Variants in CLVS1 observed in about 807,000 individuals in gnomAD.
CLVS1 encodes the protein clavesin-1.
A neutral mutation model predicts 33.1 loss-of-function variants in CLVS1; 10 were observed. The observed-to-expected ratio is 0.30, with a 90% CI of 0.19 to 0.51. The LOEUF (loss-of-function observed/expected upper bound fraction) is 0.51, where lower values mean the gene tolerates loss of function less well. CLVS1 is among the 20% of genes least tolerant of loss of function. The pLI is 0.97. For synonymous variants in CLVS1, 163 were observed against 166.1 expected (o/e 0.98, Z 0.14); for missense variants, 343 against 433.4 (o/e 0.79, Z 1.85).
At chr8:61,473,341 T>TAAAAAAAAAAA (rs58281654) in intron 5 of CLVS1, among the ~76,000 whole-genome samples, 1 of 96,232 alleles carries the variant, frequency 1.0e-5, no homozygotes, top group African/African-American at 3.8e-5. Flanking sequence ...TCACGGAATT[T>TAAAAAAAAAAA]AAAAAAAAAA....
At chr8:61,344,983 T>C (rs906100978) in intron 2 of CLVS1, among the ~76,000 whole-genome samples, 1 of 152,200 alleles carries the variant, frequency 6.6e-6, no homozygotes, top group African/African-American at 2.4e-5. Flanking sequence ...TGACCTACTG[T>C]GTTACCAAAA....
intron 2 of CLVS1, among the ~76,000 whole-genome samples, chr8:61,151,552 A>G (rs1383222486): frequency 6.6e-6 from 1 of 152,060 alleles, no homozygotes; most frequent in Non-Finnish European, 1.5e-5. Context: ...ATAGGGCCCT[A>G]AGGAGAGCTG....
At chr8:61,262,000 G>GTA (rs1182971483) in intron 2 of CLVS1, among the ~76,000 whole-genome samples, 1 of 104,258 alleles carries the variant, frequency 9.6e-6, no homozygotes, top group African/African-American at 2.9e-5. Context: ...GTGTGTGTGT[G>GTA]TGTGTGTGTG....
the CLVS1 span, among the ~76,000 whole-genome samples, chr8:60,986,782 G>A: frequency 6.6e-6 from 1 of 152,182 alleles, no homozygotes; most frequent in Non-Finnish European, 1.5e-5. Flanking sequence ...ATTATATCCT[G>A]CCATAAGCTT....
intron 3 of CLVS1, among the ~76,000 whole-genome samples, chr8:61,385,743 A>G (rs1471112330): frequency 6.6e-6 from 1 of 152,190 alleles, no homozygotes; most frequent in Non-Finnish European, 1.5e-5. Flanking sequence ...GTAACAGTGA[A>G]GACTGAAAGT....
At chr8:61,135,540 A>AAG (rs1429709588) in intron 2 of CLVS1, among the ~76,000 whole-genome samples, 4 of 152,180 alleles carry the variant, frequency 2.6e-5, no homozygotes, top group Admixed American at 2.6e-4. Context: ...TAAGGGAGAG[A>AAG]AGAGAGAGAG....
At chr8:61,060,201 CCTT>C (rs1258227228) in intron 1 of CLVS1, among the ~76,000 whole-genome samples, 3 of 152,176 alleles carry the variant, frequency 2.0e-5, no homozygotes, top group Admixed American at 2.0e-4. Flanking sequence ...CCTTCTTCCT[CCTT>C]CCTTCTTACT....
intron 2 of CLVS1, among the ~76,000 whole-genome samples, chr8:61,324,838 C>T (rs1019188657): frequency 6.6e-6 from 1 of 152,038 alleles, no homozygotes; most frequent in Non-Finnish European, 1.5e-5. Flanking sequence ...ACACTCCTAC[C>T]AACAGTGTAC....
intron 1 of CLVS1, among the ~76,000 whole-genome samples, chr8:61,296,776 G>A (rs924855668): frequency 6.6e-6 from 1 of 152,122 alleles, no homozygotes; most frequent in African/African-American, 2.4e-5. Flanking sequence ...CTTCATCGCA[G>A]GCACTGTATG....
the CLVS1 span, among the ~76,000 whole-genome samples, chr8:61,011,953 C>T: frequency 6.6e-6 from 1 of 152,366 alleles, no homozygotes; most frequent in South Asian, 2.1e-4. Flanking sequence ...TGCCTGGTCA[C>T]TGCCAAGCCT....
At chr8:61,044,090 A>G in the CLVS1 span, among the ~76,000 whole-genome samples, 1,159 of 152,252 alleles carry the variant, frequency 7.6e-3, 16 homozygotes, top group African/African-American at 0.026. Context: ...GTTGGACCTG[A>G]AGCAAGAAAA....
chr8:61,310,911 G>T (rs1810808098), intron 2 of CLVS1, among the ~76,000 whole-genome samples: 1 of 152,180 alleles, frequency 6.6e-6, no homozygotes, highest in Non-Finnish European at 1.5e-5. Flanking sequence ...GCTGCTACCA[G>T]TGTTGTGACC....
the CLVS1 span, among the ~76,000 whole-genome samples, chr8:61,043,256 G>A: frequency 6.6e-6 from 1 of 152,192 alleles, no homozygotes; most frequent in African/African-American, 2.4e-5. Flanking sequence ...TGGAGTAAAA[G>A]CTATTGTCAT....
intron 1 of CLVS1, among the ~76,000 whole-genome samples, chr8:61,070,039 C>T (rs190171263): frequency 6.6e-5 from 10 of 152,220 alleles, no homozygotes; most frequent in Admixed American, 2.6e-4. Flanking sequence ...GTGATCCACC[C>T]GCCTCGGCCT....
chr8:61,320,668 A>T (rs1051748678), intron 2 of CLVS1, among the ~76,000 whole-genome samples: 2 of 152,194 alleles, frequency 1.3e-5, no homozygotes, highest in South Asian at 4.1e-4. Flanking sequence ...CATAGATGGT[A>T]CCTTCTAACT....
At chr8:61,268,230 T>C (rs1264749586) in intron 2 of CLVS1, among the ~76,000 whole-genome samples, 2 of 144,604 alleles carry the variant, frequency 1.4e-5, no homozygotes, top group African/African-American at 5.1e-5. Flanking sequence ...TGTGATCTCA[T>C]TGTTCAATTC....
chr8:61,228,497 A>T (rs1269510678), intron 2 of CLVS1, among the ~76,000 whole-genome samples: 1 of 152,250 alleles, frequency 6.6e-6, no homozygotes, highest in Non-Finnish European at 1.5e-5. Context: ...TACCTTAAAC[A>T]TGCTGAGAAC....
At chr8:61,209,482 T>C (rs565905028) in intron 2 of CLVS1, among the ~76,000 whole-genome samples, 1 of 152,332 alleles carries the variant, frequency 6.6e-6, no homozygotes, top group East Asian at 1.9e-4. Flanking sequence ...GCTTAAAGAC[T>C]ATGTACTATA....
chr8:61,211,335 C>T (rs1007799211), intron 2 of CLVS1, among the ~76,000 whole-genome samples: 1 of 151,544 alleles, frequency 6.6e-6, no homozygotes, highest in Non-Finnish European at 1.5e-5. Context: ...CCCTTTCCTT[C>T]CTCTCCCTCC....
Sources: allele counts gnomAD v4.1 joint callset (sites outside exome capture counted in the v4.1 genomes callset), GRCh38; gene constraint gnomAD v4.1.1; transcripts MANE v1.5; gene names NCBI Gene and HGNC (gene_info 2026-07-23, HGNC 2026-07-21).